CCSER1: variants seen among roughly 807,000 people sequenced by gnomAD.
CCSER1 encodes the protein serine-rich coiled-coil domain-containing protein 1.
Under a neutral mutation model 82.0 loss-of-function variants are expected in CCSER1, and 41 were observed. The observed-to-expected ratio is 0.50, with a 90% CI of 0.39 to 0.65. The LOEUF (loss-of-function observed/expected upper bound fraction) is 0.65. Among genes scored for constraint, CCSER1 ranks in the 30% least tolerant of loss-of-function variants. The pLI, the probability that CCSER1 is intolerant of heterozygous loss-of-function variation, is 0.00. For synonymous variants in CCSER1, 414 were observed against 383.9 expected, an observed-to-expected ratio of 1.08 and a Z score of -0.92; for missense variants, 1,119 against 1,064.2, an observed-to-expected ratio of 1.05 and a Z score of -0.72.
chr4:91,289,068 C>G (rs79933533), intron 10 of CCSER1, among the ~76,000 whole-genome samples: 5,440 of 152,066 alleles, frequency 0.036, 145 homozygotes, highest in Middle Eastern at 0.082. Context: ...AAAGGAGGGA[C>G]TTACATCAGG....
chr4:91,179,725 G>C (rs528940528), intron 10 of CCSER1, among the ~76,000 whole-genome samples: 1 of 152,226 alleles, frequency 6.6e-6, no homozygotes, highest in African/African-American at 2.4e-5. Context: ...AAGGTTTTTA[G>C]CTTCTTTGCG....
intron 9 of CCSER1, among the ~76,000 whole-genome samples, chr4:90,927,105 A>C (rs978955188): frequency 2.6e-5 from 4 of 152,072 alleles, no homozygotes; most frequent in Non-Finnish European, 4.4e-5. Flanking sequence ...AGAAATTCAG[A>C]TACTTTCATT....
At chr4:91,196,401 A>T (rs966836219) in intron 10 of CCSER1, among the ~76,000 whole-genome samples, 1 of 152,210 alleles carries the variant, frequency 6.6e-6, no homozygotes, top group Non-Finnish European at 1.5e-5. Context: ...TCAATTTGTT[A>T]AACAAAACAG....
intron 7 of CCSER1, among the ~76,000 whole-genome samples, chr4:90,750,087 CTTCTT>C (rs960750141): frequency 1.3e-5 from 2 of 151,908 alleles, no homozygotes; most frequent in African/African-American, 4.8e-5. Context: ...GCATAAATGT[CTTCTT>C]TTGAGAAGTG....
At chr4:90,547,502 T>C (rs975709425) in intron 5 of CCSER1, among the ~76,000 whole-genome samples, 11 of 152,066 alleles carry the variant, frequency 7.2e-5, no homozygotes, top group Non-Finnish European at 1.5e-4. Context: ...AGTCTAATTT[T>C]TTTTTCTACC....
intron 10 of CCSER1, among the ~76,000 whole-genome samples, chr4:91,409,676 C>T (rs1049671848): frequency 4.6e-5 from 7 of 152,024 alleles, no homozygotes; most frequent in Admixed American, 3.9e-4. Context: ...ATACTAATTT[C>T]TTTGTCTTTT....
intron 6 of CCSER1, among the ~76,000 whole-genome samples, chr4:90,673,103 C>A (rs1272045196): frequency 6.6e-6 from 1 of 151,876 alleles, no homozygotes; most frequent in Non-Finnish European, 1.5e-5. Flanking sequence ...AAAATGGCCC[C>A]AATAGATTTG....
intron 3 of CCSER1, among the ~76,000 whole-genome samples, chr4:90,314,108 G>A (rs1735755087): frequency 6.6e-6 from 1 of 151,996 alleles, no homozygotes; most frequent in Non-Finnish European, 1.5e-5. Context: ...GGTTTTAATC[G>A]TTTTTTTCTG....
intron 10 of CCSER1, among the ~76,000 whole-genome samples, chr4:91,496,430 CAATTT>C (rs1340490951): frequency 1.3e-5 from 2 of 148,974 alleles, no homozygotes; most frequent in Non-Finnish European, 3.0e-5. Context: ...ACCAAAACTA[CAATTT>C]AATTATATTT....
In CCSER1 at chr4:90,639,175, C is replaced by CAT. The variant is rs549873064; in HGVS notation, c.1932+10952_1932+10953dup. On this transcript the variant is annotated intron_variant, in intron 6 of 10. Transcript: ENST00000509176. ...CTTAAAAATATAACAATTAAAAAAG[C>CAT]ATATATATATTCTTTATATATATAT... 8.3e-3 allele frequency among the ~76,000 whole-genome samples: 1,254 copies of CAT among 151,000 alleles called. 13 individuals carry two copies. Among genetic ancestry groups the CAT allele is most frequent in the Middle Eastern group, 0.018 (5 of 284 alleles).
At chr4:90,448,387 A>G (rs546945658) in intron 4 of CCSER1, among the ~76,000 whole-genome samples, 6 of 147,580 alleles carry the variant, frequency 4.1e-5, no homozygotes, top group African/African-American at 1.5e-4. Context: ...AATGAGAAAC[A>G]TAACTGGGAG....
chr4:90,403,850 G>A (rs1753306201), intron 4 of CCSER1: 1 of 152,174 alleles, frequency 6.6e-6, no homozygotes. Flanking sequence ...ATGGGAGGAA[G>A]GACTAGCTTG....
intron 4 of CCSER1, among the ~76,000 whole-genome samples, chr4:90,424,790 A>G (rs116274575): frequency 1.5e-3 from 223 of 152,280 alleles, no homozygotes; most frequent in African/African-American, 5.1e-3. Context: ...TCGGATGTCA[A>G]TTATATGCAT....
chr4:91,363,357 TTGTGTGTGTG>T (rs201687094), intron 10 of CCSER1, among the ~76,000 whole-genome samples: 3 of 139,612 alleles, frequency 2.1e-5, no homozygotes, highest in South Asian at 2.2e-4. Context: ...TGGAGATATT[TTGTGTGTGTG>T]TGTGTGTGTG....
At chr4:90,820,723 A>G (rs1394452819) in intron 8 of CCSER1, among the ~76,000 whole-genome samples, 1 of 149,584 alleles carries the variant, frequency 6.7e-6, no homozygotes, top group Non-Finnish European at 1.5e-5. Flanking sequence ...TTATATTTAT[A>G]TAACTGTATT....
chr4:90,746,038 A>G (rs750018356), intron 7 of CCSER1, among the ~76,000 whole-genome samples: 10 of 152,086 alleles, frequency 6.6e-5, no homozygotes, highest in Non-Finnish European at 1.2e-4. Context: ...TCCTATGCCT[A>G]GAAAACTTGT....
At chr4:91,213,163 A>G (rs937840103) in intron 10 of CCSER1, among the ~76,000 whole-genome samples, 18 of 152,022 alleles carry the variant, frequency 1.2e-4, no homozygotes, top group African/African-American at 3.9e-4. Flanking sequence ...GGTTGATTCC[A>G]TGTCTTTGAA....
intron 10 of CCSER1, among the ~76,000 whole-genome samples, chr4:91,219,967 G>C (rs1737607678): frequency 6.6e-6 from 1 of 152,042 alleles, no homozygotes; most frequent in South Asian, 2.1e-4. Flanking sequence ...CTCTTAAAAT[G>C]TAAATTTACT....
intron 10 of CCSER1, among the ~76,000 whole-genome samples, chr4:91,527,020 A>G (rs997674494): frequency 6.7e-6 from 1 of 149,338 alleles, no homozygotes; most frequent in East Asian, 2.0e-4. Flanking sequence ...CATCAAAAGA[A>G]GTAATGACAA....
Sources: allele counts gnomAD v4.1 joint callset (sites outside exome capture counted in the v4.1 genomes callset), GRCh38; gene constraint gnomAD v4.1.1; transcripts MANE v1.5; gene names NCBI Gene and HGNC (gene_info 2026-07-23, HGNC 2026-07-21).